Variants in CRYGN observed in about 807,000 individuals in gnomAD.
CRYGN encodes the protein crystallin gamma N, also known as gamma-crystallin N.
A neutral mutation model predicts 19.2 loss-of-function variants in CRYGN; 17 were observed. That is an observed-to-expected ratio of 0.89 (90% confidence interval 0.61 to 1.33). The LOEUF (loss-of-function observed/expected upper bound fraction) is 1.33. CRYGN is among the 40% of genes most tolerant of loss of function. The probability of loss-of-function intolerance (pLI) is 0.00; values close to 1 mark genes in which losing one functional copy is unlikely to be tolerated. For synonymous variants in CRYGN, 84 were observed against 85.8 expected (o/e 0.98, Z 0.12); for missense variants, 239 against 239.6 (o/e 1.00, Z 0.02).
intron 2 of CRYGN, 102 bp downstream of exon 2, chr7:151,437,894 C>A (rs1399710029): frequency 1.3e-6 from 2 of 1,582,398 alleles, no homozygotes; most frequent in East Asian, 2.3e-5. Context: ...GACTTTAAAG[C>A]CGGGAGGACC....
chr7:151,437,696 T>G, intron 2 of CRYGN: 1 of 871,316 alleles, frequency 1.1e-6, no homozygotes, highest in Non-Finnish European at 1.7e-6. Flanking sequence ...GAAATCTAAA[T>G]TTGGATGATT....
intron 3 of CRYGN, among the ~76,000 whole-genome samples, chr7:151,434,622 A>G (rs1801554072): frequency 6.6e-6 from 1 of 152,156 alleles, no homozygotes; most frequent in Non-Finnish European, 1.5e-5. Flanking sequence ...GGATATCAAA[A>G]TCCGAGGATG....
At position 151,433,091 on chromosome 7, in the gene CRYGN, G is replaced by A. The variant is rs116293975; in HGVS notation, c.417-2911C>T. 5.3e-5 allele frequency among the ~76,000 whole-genome samples: 8 copies of A among 152,330 alleles called. No individual in the cohort carries two copies. The highest frequency in any genetic ancestry group is 1.7e-4 in the African/African-American group (7 of 41,580). On this transcript the variant is annotated intron_variant, in intron 3 of 3. Transcript: ENST00000337323. This position sits in a 1 kb window ranked among gnomAD's most constrained non-coding sequence, Gnocchi z 5.1. ...GCAGGGCACAGAGGAGGGTTGGGGAGTCCCAAGCAGGGCCCCTTCCTGTCC... is the reference window on the plus strand; with the variant it reads ...GCAGGGCACAGAGGAGGGTTGGGGAATCCCAAGCAGGGCCCCTTCCTGTCC...
rs781681564 is a variant in CRYGN, at chr7:151,436,245, G to A, written c.351C>T (p.Pro117=). The change falls in exon 3 of 4, where the codon CCC becomes CCT. Residue 117 remains proline, a synonymous_variant. Coordinates refer to ENST00000337323, the MANE Select transcript of CRYGN (RefSeq NM_144727.3). This position sits in a 1 kb window ranked among gnomAD's most constrained non-coding sequence, Gnocchi z 5.1. ...TGACCCAGCCCCTGCTCTGGAGGAAGGGGCTGTCCTCCAGGAACTCCAGGC... is the reference window on the plus strand; with the variant it reads ...TGACCCAGCCCCTGCTCTGGAGGAAAGGGCTGTCCTCCAGGAACTCCAGGC... ...GQCLEFLEDS[P]FLQSRGWVKN... is the part of the protein sequence containing the mutation. The A allele has an allele frequency of 6.3e-7, 1 of 1,598,302 alleles. No individual in the cohort carries two copies. The highest frequency in any genetic ancestry group is 1.7e-5 in the Admixed American group (1 of 57,554).
chr7:151,429,984 T>C lies in CRYGN; in HGVS notation c.*64A>G. The C allele has an allele frequency of 2.5e-6, 2 of 792,374 alleles. No individual in the cohort carries two copies. Among genetic ancestry groups the C allele is most frequent in the Non-Finnish European group, 4.6e-6 (2 of 430,150 alleles). 49.1% of individuals were successfully genotyped at this position (792,374 alleles called of 1,614,324 possible). ...GAAATGAAAACTGAGGGCATGATTT[T>C]AAGTAAACACTCTCCCGGCTCAGAA... is the stretch of plus-strand genomic sequence containing the variant. On this transcript the variant is annotated 3_prime_UTR_variant, in exon 4 of 4. Transcript: ENST00000337323.
chr7:151,431,797 C>G lies in CRYGN; in HGVS notation c.417-1617G>C, dbSNP rs372419767. ...AGAGACCCTGGGTCAGGCCTTTGGC[C>G]ACATGGCCTGGCAGCCTCACCTTGC... On this transcript the variant is annotated intron_variant, in intron 3 of 3. Coordinates refer to ENST00000337323, the MANE Select transcript of CRYGN (RefSeq NM_144727.3). The surrounding 1 kb of genome is among the most constrained non-coding windows in gnomAD (Gnocchi z 4.8). The G allele has an allele frequency of 1.1e-4, 19 of 177,580 alleles. No individual in the cohort carries two copies. The highest frequency in any genetic ancestry group is 4.0e-4 in the African/African-American group (17 of 42,480). The allele number at this position is 177,580 out of a possible 1,614,324, so 11.0% of individuals were successfully genotyped here. A position where few individuals can be genotyped will look rare whatever the true frequency, so the allele number is the denominator to read the frequency against.
Position 151,430,169 on chromosome 7 carries a change from G to A in CRYGN, c.428C>T (p.Pro143Leu). The A allele has an allele frequency of 6.2e-7, 1 of 1,613,982 alleles. No homozygotes were observed. Among genetic ancestry groups the A allele is most frequent in the African/African-American group, 1.3e-5 (1 of 75,054 alleles). ...GAAGTCCTCAGCTCCGAAGCTTCTA[G>A]GGCTCCATGCTCTGTGGTTTGCAGG... ...KVYGDGAAWS[P>L]RSFGAEDFQL... Residue 143 changes from proline (P) to leucine (L), a missense_variant, in exon 4 of 4, where the codon CCT becomes CTT. Coordinates refer to ENST00000337323, the MANE Select transcript of CRYGN (RefSeq NM_144727.3). The surrounding 1 kb of genome is among the most constrained non-coding windows in gnomAD (Gnocchi z 5.2).
chr7:151,438,762 G>A (rs888512676), intron 1 of CRYGN: 1 of 156,576 alleles, frequency 6.4e-6, no homozygotes, highest in African/African-American at 2.4e-5. Flanking sequence ...CCGCGTCAGG[G>A]CCTGGCTCGG....
At chr7:151,432,244 T>C (rs751936160) in intron 3 of CRYGN, 2 of 1,232,106 alleles carry the variant, frequency 1.6e-6, no homozygotes, top group Non-Finnish European at 2.0e-6. Flanking sequence ...CTCCACCACG[T>C]ACATGCGGCC....
At position 151,429,742 on chromosome 7, in the gene CRYGN, T is replaced by C. The variant is rs1801422313; in HGVS notation, c.*306A>G. On this transcript the variant is annotated 3_prime_UTR_variant, in exon 4 of 4. Transcript: ENST00000337323. ...AGCCTGGCATTAAGTCAGTGCTCCA[T>C]AAATATTCATCAACATCATCACCAT... The C allele has an allele frequency of 9.3e-6, 4 of 430,562 alleles. No individual in the cohort carries two copies. The highest frequency in any genetic ancestry group is 1.3e-5 in the Non-Finnish European group (3 of 234,146). 26.7% of individuals were successfully genotyped at this position (430,562 alleles called of 1,614,324 possible).
At chr7:151,440,518 A>AC (rs528460289), upstream of CRYGN, 498 of 148,558 alleles carry the variant, frequency 3.4e-3, 3 homozygotes, top group Middle Eastern at 0.035. Context: ...CTCCTGATGC[A>AC]CCCCCCCACA....
intron 1 of CRYGN, chr7:151,439,022 C>T (rs1034242091): frequency 2.6e-5 from 4 of 152,266 alleles, no homozygotes; most frequent in Non-Finnish European, 4.4e-5. Context: ...CATTTAGTAA[C>T]TCTTTGGGTT....
chr7:151,430,224 G>T lies in CRYGN; in HGVS notation c.417-44C>A. 6.2e-7 allele frequency: 1 copy of T among 1,606,280 alleles called. No homozygotes were observed. Among genetic ancestry groups the T allele is most frequent in the Non-Finnish European group, 8.5e-7 (1 of 1,175,162 alleles). On this transcript the variant is annotated intron_variant, in intron 3 of 3. Transcript: ENST00000337323. The surrounding 1 kb of genome is among the most constrained non-coding windows in gnomAD (Gnocchi z 5.2). ...AGGAGGTGGGGCCAGGGCATTAGGG[G>T]TACAGAGCAGGCCTTTTGGGGACCC... is the stretch of plus-strand genomic sequence containing the variant.
At position 151,430,254 on chromosome 7, in the gene CRYGN, A is replaced by G. The variant is rs1801433100; in HGVS notation, c.417-74T>C. On this transcript the variant is annotated intron_variant, in intron 3 of 3. Transcript: ENST00000337323. This position sits in a 1 kb window ranked among gnomAD's most constrained non-coding sequence, Gnocchi z 5.2. ...GAGCAGGCCTTTTGGGGACCCATCT[A>G]CCACATGGCAGCAGGGAGCCCCTTC... 1 of 1,452,668 alleles carries G rather than the reference A, an allele frequency of 6.9e-7. No individual in the cohort carries two copies. The highest frequency in any genetic ancestry group is 1.8e-5 in the Admixed American group (1 of 54,214). 90.0% of individuals were successfully genotyped at this position (1,452,668 alleles called of 1,614,324 possible).
rs1002987671 is a variant in CRYGN, at chr7:151,436,508, G to T, written c.271-183C>A. Among the ~76,000 whole-genome samples, 2 of 152,110 alleles carry T rather than the reference G, an allele frequency of 1.3e-5. No homozygotes were observed. The highest frequency in any genetic ancestry group is 2.4e-5 in the African/African-American group (1 of 41,404). ...ACATGAGATGTGGTTGGAAGAAAGGGTTCTATTACTCTGAAAATGTTCCAA... is the reference window on the plus strand; with the variant it reads ...ACATGAGATGTGGTTGGAAGAAAGGTTTCTATTACTCTGAAAATGTTCCAA... On this transcript the variant is annotated intron_variant, in intron 2 of 3. Coordinates refer to ENST00000337323, the MANE Select transcript of CRYGN (RefSeq NM_144727.3). The surrounding 1 kb of genome is among the most constrained non-coding windows in gnomAD (Gnocchi z 5.1).
At position 151,438,189 on chromosome 7, in the gene CRYGN, T is replaced by A; in HGVS notation, c.77A>T (p.Asp26Val). Residue 26 changes from aspartate (D) to valine (V), a missense_variant, in exon 2 of 4, where the codon GAC becomes GTC. Physicochemically the swap from Asp to Val is radical, Grantham distance 152 (BLOSUM62 -3). Coordinates refer to ENST00000337323, the MANE Select transcript of CRYGN (RefSeq NM_144727.3). ...GCCCCGGTCCTGGAAGTTGTCACAG[T>A]CCCCGAAGACCTCCAGCTTCTGCCC... ...FTGQKLEVFG[D>V]CDNFQDRGFM... 2 of 1,614,062 alleles carry A rather than the reference T, an allele frequency of 1.2e-6. No individual in the cohort carries two copies. The highest frequency in any genetic ancestry group is 8.5e-7 in the Non-Finnish European group (1 of 1,180,018).
rs1250973826 is a variant in CRYGN, at chr7:151,433,802, C to T, written c.416+2378G>A. ...AGGGGGCGGGGAACCACCCATCCTG[C>T]TGTCCCCTGTCCTGGCTGTGGCTAC... On this transcript the variant is annotated intron_variant, in intron 3 of 3. Coordinates refer to ENST00000337323, the MANE Select transcript of CRYGN (RefSeq NM_144727.3). The surrounding 1 kb of genome is among the most constrained non-coding windows in gnomAD (Gnocchi z 5.1). Among the ~76,000 whole-genome samples, 1 of 152,234 alleles carries T rather than the reference C, an allele frequency of 6.6e-6. No homozygotes were observed. The highest frequency in any genetic ancestry group is 1.5e-5 in the Non-Finnish European group (1 of 68,044).
At position 151,431,122 on chromosome 7, in the gene CRYGN, C is replaced by T. The variant is rs2150905273; in HGVS notation, c.417-942G>A. On this transcript the variant is annotated intron_variant, in intron 3 of 3. Coordinates refer to ENST00000337323, the MANE Select transcript of CRYGN (RefSeq NM_144727.3). This position sits in a 1 kb window ranked among gnomAD's most constrained non-coding sequence, Gnocchi z 4.8. The stretch of plus-strand genomic sequence containing the variant: ...CTCCTTCTGGGGTGGGCTATGGTTT[C>T]CTCACAGGCAGGCTCCATTCAGGAC... Among the ~76,000 whole-genome samples the T allele has an allele frequency of 6.6e-6, 1 of 152,306 alleles. No homozygotes were observed. Among genetic ancestry groups the T allele is most frequent in the East Asian group, 1.9e-4 (1 of 5,174 alleles).
chr7:151,436,128 T>C lies in CRYGN; in HGVS notation c.416+52A>G. 7.4e-7 allele frequency: 1 copy of C among 1,358,718 alleles called. No individual in the cohort carries two copies. The highest frequency in any genetic ancestry group is 9.5e-7 in the Non-Finnish European group (1 of 1,047,938). 84.2% of individuals were successfully genotyped at this position (1,358,718 alleles called of 1,614,324 possible). ...GTGGCGGGCAGCCTCCCACGCCTGGTGCTGAAGGGCCTAGCCGGGCCTCGG... is the reference window on the plus strand; with the variant it reads ...GTGGCGGGCAGCCTCCCACGCCTGGCGCTGAAGGGCCTAGCCGGGCCTCGG... On this transcript the variant is annotated intron_variant, in intron 3 of 3. Transcript: ENST00000337323. The surrounding 1 kb of genome is among the most constrained non-coding windows in gnomAD (Gnocchi z 5.1).
Sources: allele counts gnomAD v4.1 joint callset (sites outside exome capture counted in the v4.1 genomes callset), GRCh38; gene constraint gnomAD v4.1.1; non-coding constraint Gnocchi (gnomAD v3.1); transcripts MANE v1.5; gene names NCBI Gene and HGNC (gene_info 2026-07-23, HGNC 2026-07-21).